The following GRIA3 variants were observed in gnomAD, a reference collection of about 807,000 sequenced individuals.
The protein encoded by GRIA3 is glutamate ionotropic receptor AMPA type subunit 3, also known as glutamate receptor 3.
Under a neutral mutation model 63.0 loss-of-function variants are expected in GRIA3, and 3 were observed. The ratio of observed to expected loss-of-function variants is 0.05; its 90% CI spans 0.02 to 0.12. The LOEUF (loss-of-function observed/expected upper bound fraction) is 0.12, where lower values mean the gene tolerates loss of function less well. GRIA3 is among the 10% of genes least tolerant of loss of function. The pLI, the probability that GRIA3 is intolerant of heterozygous loss-of-function variation, is 1.00. For missense variants in GRIA3, 347 were observed against 700.9 expected (o/e 0.50, Z 5.70); for synonymous variants, 274 against 257.9 (o/e 1.06, Z -0.60).
In GRIA3 at chrX:123,490,328, G is replaced by T. The variant is rs1027546741; in HGVS notation, c.*1618G>T. 5 of 112,962 alleles carry T rather than the reference G, an allele frequency of 4.4e-5. No individual in the cohort carries two copies. The East Asian group carries it at 1.4e-3, about 31-fold the overall frequency. 9.3% of individuals were successfully genotyped at this position (112,962 alleles called of 1,213,427 possible). ...ACTATAAACTTTCATTCCAAAAATG[G>T]TGTCATAAGCAAACAACTCACTTGT... On this transcript the variant is annotated 3_prime_UTR_variant, in exon 16 of 16. Transcript: ENST00000620443.
chrX:123,209,718 T>C (rs887774340), intron 2 of GRIA3, among the ~76,000 whole-genome samples: 1 of 111,997 alleles, frequency 8.9e-6, no homozygotes, highest in East Asian at 2.8e-4. Flanking sequence ...GGAGTAAATA[T>C]GTATGGTGGC....
chrX:123,293,514 A>C (rs2044668123), intron 3 of GRIA3, among the ~76,000 whole-genome samples: 1 of 110,015 alleles, frequency 9.1e-6, no homozygotes, highest in Admixed American at 9.8e-5. Flanking sequence ...CCCATACCTG[A>C]TATAAAATCC....
At chrX:123,474,691 T>C (rs759440421) in intron 13 of GRIA3, among the ~76,000 whole-genome samples, 1 of 109,766 alleles carries the variant, frequency 9.1e-6, no homozygotes, top group South Asian at 3.9e-4. Context: ...CAAAAATAAA[T>C]AATTAATAAA....
chrX:123,275,135 TAAC>T (rs750168883), intron 3 of GRIA3, among the ~76,000 whole-genome samples: 5 of 111,056 alleles, frequency 4.5e-5, no homozygotes, highest in Non-Finnish European at 9.4e-5. Context: ...ACAATAATAA[TAAC>T]AATAATAATA....
chrX:123,322,501 C>T (rs947252698), intron 3 of GRIA3, among the ~76,000 whole-genome samples: 5 of 111,708 alleles, frequency 4.5e-5, no homozygotes, highest in African/African-American at 1.6e-4. Flanking sequence ...GGGTTTGTTA[C>T]GTACCTCTGC....
intron 10 of GRIA3, among the ~76,000 whole-genome samples, chrX:123,416,588 G>A (rs764636337): frequency 2.7e-5 from 3 of 112,745 alleles, no homozygotes; most frequent in Non-Finnish European, 5.6e-5. Context: ...TAAGTTAATT[G>A]TGCAGTGCAC....
rs774775533 is a variant in GRIA3 at position 123,379,262 on chromosome X, T to C, written c.751-15706T>C. Among the ~76,000 whole-genome samples, 5 of 111,957 alleles carry C rather than the reference T, an allele frequency of 4.5e-5. No individual in the cohort carries two copies. In the South Asian group the frequency reaches 1.9e-3, roughly 42 times the overall value. On this transcript the variant is annotated intron_variant, in intron 5 of 15. Coordinates refer to ENST00000620443, the MANE Select transcript of GRIA3 (RefSeq NM_007325.5). ...ATATACTCTATGTTTTATAGTGTCC[T>C]ATACTGTTTTAGTGCCTTTACATTG...
chrX:123,374,142 G>T (rs1200440785), intron 5 of GRIA3, among the ~76,000 whole-genome samples: 1 of 111,501 alleles, frequency 9.0e-6, no homozygotes, highest in African/African-American at 3.3e-5. Context: ...ATTTTGTCAG[G>T]TTTGTCAAAG....
At chrX:123,236,805 T>G (rs1449516717) in intron 2 of GRIA3, among the ~76,000 whole-genome samples, 1 of 111,846 alleles carries the variant, frequency 8.9e-6, no homozygotes, top group Non-Finnish European at 1.9e-5. Flanking sequence ...AGAACAAATT[T>G]ATGTCATCAG....
chrX:123,448,329 C>T (rs148209297), intron 12 of GRIA3, among the ~76,000 whole-genome samples: 1,758 of 111,914 alleles, frequency 0.016, 19 homozygotes, highest in Middle Eastern at 0.046. Context: ...TATTCCAGAG[C>T]TACATACTAG....
At chrX:123,414,625 T>C (rs1170834941) in intron 10 of GRIA3, among the ~76,000 whole-genome samples, 3 of 85,330 alleles carry the variant, frequency 3.5e-5, no homozygotes, top group Non-Finnish European at 6.4e-5. Context: ...CCTGTGACCA[T>C]GTGTTCTCAT....
At chrX:123,483,133 GT>G in intron 15 of GRIA3, 87 bp downstream of exon 15, 2 of 778,926 alleles carry the variant, frequency 2.6e-6, no homozygotes, top group Non-Finnish European at 3.8e-6. Context: ...TTTTAGTTTG[GT>G]TTATTGTTCA....
At chrX:123,373,239 C>T (rs1603119390) in intron 5 of GRIA3, among the ~76,000 whole-genome samples, 1 of 111,448 alleles carries the variant, frequency 9.0e-6, no homozygotes, top group Non-Finnish European at 1.9e-5. Context: ...TGTATATGTG[C>T]CACATTTTCT....
intron 12 of GRIA3, among the ~76,000 whole-genome samples, chrX:123,440,863 T>C (rs1285332177): frequency 8.9e-6 from 1 of 112,353 alleles, no homozygotes. Context: ...AATCTTTGCC[T>C]GTTCCTATGT....
chrX:123,222,210 T>C lies in GRIA3; in HGVS notation c.269-31093T>C, dbSNP rs777126497. ...CAGAGATCCCTGAAGGCCAAGACTC[T>C]CTCTAAAACATTCCATCCAAATAGC... On this transcript the variant is annotated intron_variant, in intron 2 of 15. Coordinates refer to ENST00000620443, the MANE Select transcript of GRIA3 (RefSeq NM_007325.5). Among the ~76,000 whole-genome samples, 11 of 111,594 alleles carry C rather than the reference T, an allele frequency of 9.9e-5. No individual in the cohort carries two copies. The East Asian group carries it at 3.1e-3, about 31-fold the overall frequency.
At chrX:123,449,858 G>A (rs944978848) in intron 12 of GRIA3, among the ~76,000 whole-genome samples, 3 of 111,691 alleles carry the variant, frequency 2.7e-5, no homozygotes, top group Middle Eastern at 4.6e-3. Flanking sequence ...TCACCCACAT[G>A]TGCCCAGGCC....
chrX:123,453,897 A>G (rs2045748393), intron 12 of GRIA3, among the ~76,000 whole-genome samples: 1 of 111,930 alleles, frequency 8.9e-6, no homozygotes, highest in South Asian at 3.7e-4. Context: ...CTGTGAAAAT[A>G]AAAGTTGACT....
At chrX:123,314,169 C>T (rs187403836) in intron 3 of GRIA3, among the ~76,000 whole-genome samples, 11 of 112,124 alleles carry the variant, frequency 9.8e-5, no homozygotes, top group African/African-American at 6.5e-5. Context: ...CTCTAGGAGA[C>T]GCAGTCACAA....
rs2045902016 is a variant in GRIA3, at chrX:123,479,428, G to A, written c.2325-635G>A. Among the ~76,000 whole-genome samples the A allele has an allele frequency of 3.6e-5, 4 of 112,203 alleles. No individual in the cohort carries two copies. In the Admixed American group the frequency reaches 3.8e-4, roughly 11 times the overall value. The stretch of plus-strand genomic sequence containing the variant: ...ATACCTTTAATACTAAGACCAGTAT[G>A]TGCATAAGAATTTCGACTACATGTT... On this transcript the variant is annotated intron_variant, in intron 13 of 15. Coordinates refer to ENST00000620443, the MANE Select transcript of GRIA3 (RefSeq NM_007325.5).
Sources: gnomAD v4.1 joint callset for allele counts (sites outside exome capture counted in the v4.1 genomes callset) on GRCh38, gnomAD v4.1.1 for gene constraint, MANE v1.5 for transcripts, NCBI Gene and HGNC (gene_info 2026-07-23, HGNC 2026-07-21) for gene names.